GPSM2: variants seen among roughly 807,000 people sequenced by gnomAD.
The protein encoded by GPSM2 is G protein signaling modulator 2, also known as G protein-signaling modulator 2.
In GPSM2, 58 loss-of-function variants were observed where a neutral mutation model predicts 78.4. The ratio of observed to expected loss-of-function variants is 0.74; its 90% CI spans 0.60 to 0.92. GPSM2 has a LOEUF of 0.92. GPSM2 is among the 40% of genes least tolerant of loss of function. GPSM2 has a pLI of 0.00. For synonymous variants in GPSM2, 224 were observed against 280.2 expected, an observed-to-expected ratio of 0.80 and a Z score of 2.00; for missense variants, 700 against 815.5, an observed-to-expected ratio of 0.86 and a Z score of 1.73.
intron 11 of GPSM2, among the ~76,000 whole-genome samples, chr1:108,917,609 C>CATAT (rs761319516): frequency 4.4e-5 from 4 of 90,190 alleles, no homozygotes; most frequent in South Asian, 4.4e-4. Context: ...CACACACACA[C>CATAT]ACATATATAT....
intron 3 of GPSM2, 26 bp downstream of exon 3, chr1:108,897,111 TCTTC>T: frequency 6.8e-7 from 1 of 1,467,180 alleles, no homozygotes; most frequent in Non-Finnish European, 9.5e-7. Context: ...TTTTAAATAT[TCTTC>T]CTTCTGAAAT....
intron 10 of GPSM2, among the ~76,000 whole-genome samples, chr1:108,908,457 G>A (rs946192942): frequency 5.9e-5 from 9 of 151,842 alleles, no homozygotes; most frequent in Non-Finnish European, 1.0e-4. Flanking sequence ...GCCGAGGCAC[G>A]TGGATCACGA....
At chr1:108,882,852 G>GTGT (rs1235250760) in intron 1 of GPSM2, among the ~76,000 whole-genome samples, 1 of 152,178 alleles carries the variant, frequency 6.6e-6, no homozygotes, top group African/African-American at 2.4e-5. Flanking sequence ...GAGATTTGAT[G>GTGT]TGTTGATAGC....
chr1:108,898,026 GC>G lies in GPSM2; in HGVS notation c.485del (p.Pro162LeufsTer6), dbSNP rs766556930. The G allele has an allele frequency of 5.0e-6, 8 of 1,613,650 alleles. No homozygotes were observed. Among genetic ancestry groups the G allele is most frequent in the African/African-American group, 2.7e-5 (2 of 74,938 alleles). ...VYHAKGKSFG[C>X]PGPQDVGEFP... ...CATGCCAAAGGGAAAAGTTTTGGTT[GC>G]CCTGGTCCCCAGGATGTAGGAGAAT... On this transcript the variant is annotated frameshift_variant, in exon 5 of 15. Transcript: ENST00000264126. LOFTEE classifies it high-confidence loss of function.
chr1:108,926,277 G>A (rs1458440536), intron 14 of GPSM2: 1 of 152,176 alleles, frequency 6.6e-6, no homozygotes, highest in Non-Finnish European at 1.5e-5. Context: ...TTTTCCAGGA[G>A]AATGGGATTC....
chr1:108,882,529 T>C (rs1167336431), intron 1 of GPSM2: 1 of 152,214 alleles, frequency 6.6e-6, no homozygotes, highest in Non-Finnish European at 1.5e-5. Flanking sequence ...CAACTTTTCA[T>C]TTTCTTTCCT....
At chr1:108,914,116 T>TGAAC (rs1320208695) in intron 10 of GPSM2, among the ~76,000 whole-genome samples, 1 of 152,254 alleles carries the variant, frequency 6.6e-6, no homozygotes, top group Non-Finnish European at 1.5e-5. Flanking sequence ...CCAACCAAAA[T>TGAAC]GTAACTTCCT....
At chr1:108,909,792 A>G (rs1205061130) in intron 10 of GPSM2, 1 of 151,240 alleles carries the variant, frequency 6.6e-6, no homozygotes, top group African/African-American at 2.4e-5. Flanking sequence ...AGTCCCAGTT[A>G]CTCAGGAGAC....
intron 2 of GPSM2, among the ~76,000 whole-genome samples, chr1:108,887,355 G>A (rs72984609): frequency 0.025 from 3,854 of 152,218 alleles, 165 homozygotes; most frequent in African/African-American, 0.086. Context: ...TAGAGCTCAA[G>A]GTTTTGAGAA....
rs377703815 is a variant in GPSM2 at position 108,922,399 on chromosome 1, T to G, written c.1441-18T>G. 1.3e-6 allele frequency: 2 copies of G among 1,574,282 alleles called. No homozygotes were observed. Among genetic ancestry groups the G allele is most frequent in the South Asian group, 2.2e-5 (2 of 90,168 alleles). On this transcript the variant is annotated intron_variant, in intron 12 of 14. Transcript: ENST00000264126. ...ACTGGAATATTCAAATAAACTAGAC[T>G]TCCTCTCAATATTTTAGAAAATCAG...
chr1:108,920,418 G>A (rs1025247702), intron 12 of GPSM2, among the ~76,000 whole-genome samples: 1 of 151,988 alleles, frequency 6.6e-6, no homozygotes, highest in African/African-American at 2.4e-5. Context: ...GCAGCGAGCC[G>A]AGATCGCGCC....
intron 3 of GPSM2, 129 bp downstream of exon 3, chr1:108,897,214 C>A: frequency 1.3e-6 from 1 of 765,042 alleles, no homozygotes; most frequent in Non-Finnish European, 2.2e-6. Context: ...CATCGCTTTT[C>A]AAAACTAACC....
intron 14 of GPSM2, among the ~76,000 whole-genome samples, chr1:108,926,033 A>C (rs1016250635): frequency 1.3e-5 from 2 of 152,172 alleles, no homozygotes; most frequent in African/African-American, 4.8e-5. Flanking sequence ...CAAAGAAAGA[A>C]GTAGTCATCA....
At chr1:108,901,696 A>T in intron 7 of GPSM2, 94 bp from the exon 8 acceptor site, 1 of 916,686 alleles carries the variant, frequency 1.1e-6, no homozygotes, top group African/African-American at 1.6e-5. Context: ...AGACAGCAGA[A>T]AGCAGCAGAG....
chr1:108,906,676 G>A (rs1287808256), intron 10 of GPSM2, among the ~76,000 whole-genome samples: 2 of 151,606 alleles, frequency 1.3e-5, no homozygotes, highest in African/African-American at 4.9e-5. Context: ...TCAGGAGTTC[G>A]AGACCAGCCT....
At chr1:108,894,066 T>G (rs1316802540) in intron 2 of GPSM2, among the ~76,000 whole-genome samples, 1 of 152,110 alleles carries the variant, frequency 6.6e-6, no homozygotes, top group African/African-American at 2.4e-5. Flanking sequence ...ATTACATTTT[T>G]ATATATCTTT....
At chr1:108,914,511 G>A in intron 11 of GPSM2, 103 bp downstream of exon 11, 2 of 840,184 alleles carry the variant, frequency 2.4e-6, no homozygotes, top group Admixed American at 2.6e-5. Flanking sequence ...CCCTATATAG[G>A]TATCACTTTA....
chr1:108,918,169 T>C (rs1570944471), intron 11 of GPSM2, among the ~76,000 whole-genome samples: 1 of 152,282 alleles, frequency 6.6e-6, no homozygotes, highest in East Asian at 1.9e-4. Context: ...TAGTATGGTA[T>C]TAGTAAAAAC....
intron 2 of GPSM2, among the ~76,000 whole-genome samples, chr1:108,893,007 A>G (rs1190875325): frequency 6.6e-6 from 1 of 152,218 alleles, no homozygotes. Context: ...CCATGTAGCC[A>G]GCAAGCTTCC....
Sources: gnomAD v4.1 joint callset for allele counts (sites outside exome capture counted in the v4.1 genomes callset) on GRCh38, gnomAD v4.1.1 for gene constraint, MANE v1.5 for transcripts, NCBI Gene and HGNC (gene_info 2026-07-23, HGNC 2026-07-21) for gene names.